Variants in RPA1 observed in about 807,000 individuals in gnomAD.
RPA1 encodes replication protein A1.
A neutral mutation model predicts 83.0 loss-of-function variants in RPA1; 49 were observed. That is an observed-to-expected ratio of 0.59 (90% confidence interval 0.47 to 0.75). The LOEUF (loss-of-function observed/expected upper bound fraction) is 0.75. Ranked by LOEUF, RPA1 falls within the 30% of genes least tolerant of loss-of-function variation. The pLI is 0.00. For synonymous variants in RPA1, 279 were observed against 281.8 expected (o/e 0.99, Z 0.10); for missense variants, 693 against 776.1 (o/e 0.89, Z 1.27).
intron 4 of RPA1, among the ~76,000 whole-genome samples, chr17:1,851,961 TAA>T (rs17338621): frequency 0.41 from 62,264 of 151,846 alleles, 13,042 homozygotes; most frequent in East Asian, 0.53. Context: ...TCAGACCATT[TAA>T]AGTCTAAAAC....
intron 15 of RPA1, among the ~76,000 whole-genome samples, chr17:1,894,237 G>A (rs1914309422): frequency 6.6e-6 from 1 of 151,440 alleles, no homozygotes; most frequent in African/African-American, 2.4e-5. Context: ...TGCAGTCTCA[G>A]CTCACTGTAG....
chr17:1,883,682 A>G lies in RPA1; in HGVS notation c.1242-130A>G. The stretch of plus-strand genomic sequence containing the variant: ...GAAGATACCAGCTTCAGCCGACATG[A>G]CCGTGACCTGTGTGAAAGCTGGGCG... On this transcript the variant is annotated intron_variant, in intron 12 of 16. Transcript: ENST00000254719. The G allele has an allele frequency of 2.9e-6, 3 of 1,033,712 alleles. No individual in the cohort carries two copies. In the South Asian group the frequency reaches 4.4e-5, roughly 15 times the overall value. The allele number at this position is 1,033,712 out of a possible 1,614,324, so 64.0% of individuals were successfully genotyped here.
Position 1,835,376 on chromosome 17 carries a change from C to T in RPA1, c.33+5250C>T, listed in dbSNP as rs994407462. 4.6e-5 allele frequency among the ~76,000 whole-genome samples: 7 copies of T among 151,762 alleles called. No homozygotes were observed. In the South Asian group the frequency reaches 1.5e-3, roughly 32 times the overall value. ...TTCGCCATCTTGCCTAAGCTGGTCT[C>T]TAACTCTTGGTCTCCAAACAGTTCT... is the stretch of plus-strand genomic sequence containing the variant. On this transcript the variant is annotated intron_variant, in intron 1 of 16. Coordinates refer to ENST00000254719, the MANE Select transcript of RPA1 (RefSeq NM_002945.5).
At chr17:1,840,663 G>A (rs546091436) in intron 1 of RPA1, among the ~76,000 whole-genome samples, 3 of 152,272 alleles carry the variant, frequency 2.0e-5, no homozygotes, top group Middle Eastern at 3.4e-3. Flanking sequence ...TCCTGCTTCC[G>A]TCTCCGAAAT....
intron 13 of RPA1, among the ~76,000 whole-genome samples, chr17:1,888,045 G>GT (rs1197439137): frequency 2.0e-5 from 3 of 152,076 alleles, no homozygotes; most frequent in East Asian, 3.9e-4. Context: ...AAAAAATGCC[G>GT]TATCTGTCAA....
intron 13 of RPA1, among the ~76,000 whole-genome samples, chr17:1,886,311 A>C (rs1913988830): frequency 6.6e-6 from 1 of 152,248 alleles, no homozygotes; most frequent in Non-Finnish European, 1.5e-5. Flanking sequence ...TTTATAAAGC[A>C]GAGGCAAAGT....
intron 1 of RPA1, among the ~76,000 whole-genome samples, chr17:1,837,838 A>G (rs1911881789): frequency 6.6e-6 from 1 of 152,204 alleles, no homozygotes; most frequent in Non-Finnish European, 1.5e-5. Context: ...TATAAATATT[A>G]CATATATTTT....
At chr17:1,869,001 T>A (rs1348969994) in intron 5 of RPA1, among the ~76,000 whole-genome samples, 2 of 152,250 alleles carry the variant, frequency 1.3e-5, no homozygotes, top group Non-Finnish European at 2.9e-5. Context: ...TGAAATTTCT[T>A]TCAGCCTGAT....
At position 1,830,040 on chromosome 17, in the gene RPA1, G is replaced by T. The variant is rs562711050; in HGVS notation, c.-54G>T. The T allele has an allele frequency of 4.8e-6, 6 of 1,246,918 alleles. No individual in the cohort carries two copies. The highest frequency in any genetic ancestry group is 3.2e-5 in the East Asian group (1 of 31,688). The allele number at this position is 1,246,918 out of a possible 1,614,324, so 77.2% of individuals were successfully genotyped here. On this transcript the variant is annotated 5_prime_UTR_variant, in exon 1 of 17. Coordinates refer to ENST00000254719, the MANE Select transcript of RPA1 (RefSeq NM_002945.5). ...TAACTGCGCAGCGCGCGGGACCCGGGTGGGGAAGCTGGAGCTGTTGCGGGG... is the reference window on the plus strand; with the variant it reads ...TAACTGCGCAGCGCGCGGGACCCGGTTGGGGAAGCTGGAGCTGTTGCGGGG...
intron 5 of RPA1, among the ~76,000 whole-genome samples, chr17:1,865,790 G>C (rs756960970): frequency 1.6e-4 from 24 of 152,026 alleles, no homozygotes; most frequent in African/African-American, 9.7e-5. Flanking sequence ...TTTTTCTCCT[G>C]CTTTTACTTA....
intron 13 of RPA1, among the ~76,000 whole-genome samples, chr17:1,886,489 T>C (rs938600509): frequency 1.3e-5 from 2 of 152,248 alleles, no homozygotes; most frequent in Admixed American, 1.3e-4. Flanking sequence ...ATGTTCTTGA[T>C]GGCATCTTCT....
chr17:1,832,035 T>C (rs1911638657), intron 1 of RPA1, among the ~76,000 whole-genome samples: 1 of 151,440 alleles, frequency 6.6e-6, no homozygotes, highest in Non-Finnish European at 1.5e-5. Flanking sequence ...TTCAGGCAGT[T>C]CTCGTGCCTC....
chr17:1,889,288 T>C (rs559394307), intron 14 of RPA1, among the ~76,000 whole-genome samples: 2 of 152,092 alleles, frequency 1.3e-5, no homozygotes, highest in East Asian at 3.9e-4. Context: ...TGTTTCTTTC[T>C]GTTTTAAAAA....
intron 12 of RPA1, 102 bp downstream of exon 12, chr17:1,880,793 C>G (rs930490840): frequency 6.8e-7 from 1 of 1,479,168 alleles, no homozygotes; most frequent in South Asian, 1.2e-5. Flanking sequence ...AAGCCTTCGT[C>G]CCTGAGTGGT....
At chr17:1,875,922 CTTTTT>C (rs371878374) in intron 7 of RPA1, 129 bp downstream of exon 7, 3,077 of 536,860 alleles carry the variant, frequency 5.7e-3, no homozygotes, top group Middle Eastern at 7.6e-3. Context: ...TGGGTTTACT[CTTTTT>C]TTTTTTTTTT....
Position 1,877,327 on chromosome 17 carries a change from C to A in RPA1, c.690+13C>A. 1 of 1,611,826 alleles carries A rather than the reference C, an allele frequency of 6.2e-7. No homozygotes were observed. The highest frequency in any genetic ancestry group is 1.1e-5 in the South Asian group (1 of 90,930). ...GGTTGACGAAAGTGTGAGTGTTTGT[C>A]ATGCTGGGGAGTGAGGGCAGTGGGC... On this transcript the variant is annotated intron_variant, in intron 8 of 16. Coordinates refer to ENST00000254719, the MANE Select transcript of RPA1 (RefSeq NM_002945.5).
chr17:1,869,454 C>G (rs562172526), intron 5 of RPA1, among the ~76,000 whole-genome samples: 1 of 152,170 alleles, frequency 6.6e-6, no homozygotes, highest in South Asian at 2.1e-4. Context: ...AGGAGAATCT[C>G]TTGAAATCGG....
chr17:1,899,385 A>G lies in RPA1; in HGVS notation c.*2210A>G, dbSNP rs937549995. 2.6e-5 allele frequency: 4 copies of G among 152,540 alleles called. No homozygotes were observed. The highest frequency in any genetic ancestry group is 9.7e-5 in the African/African-American group (4 of 41,436). The allele number at this position is 152,540 out of a possible 1,614,324, so 9.4% of individuals were successfully genotyped here. On this transcript the variant is annotated 3_prime_UTR_variant, in exon 17 of 17. Coordinates refer to ENST00000254719, the MANE Select transcript of RPA1 (RefSeq NM_002945.5). ...TTGCGTACACCATGACATCAGCGTTAGGCAATTAGGAGAAAAAAATCTAAT... is the reference window on the plus strand; with the variant it reads ...TTGCGTACACCATGACATCAGCGTTGGGCAATTAGGAGAAAAAAATCTAAT...
intron 5 of RPA1, chr17:1,858,334 C>T (rs1912799314): frequency 1.7e-5 from 28 of 1,608,090 alleles, no homozygotes; most frequent in African/African-American, 5.3e-5. Flanking sequence ...ACCAGTGCCA[C>T]GGTGGCAGAT....
Sources: gnomAD v4.1 joint callset for allele counts (sites outside exome capture counted in the v4.1 genomes callset) on GRCh38, gnomAD v4.1.1 for gene constraint, MANE v1.5 for transcripts, NCBI Gene and HGNC (gene_info 2026-07-23, HGNC 2026-07-21) for gene names.